IGF2BP2: variants seen among roughly 807,000 people sequenced by gnomAD.
IGF2BP2 encodes the protein insulin like growth factor 2 mRNA binding protein 2.
A neutral mutation model predicts 75.8 loss-of-function variants in IGF2BP2; 17 were observed. The ratio of observed to expected loss-of-function variants is 0.22; its 90% CI spans 0.15 to 0.34. IGF2BP2 has a LOEUF of 0.34. IGF2BP2 is among the 10% of genes least tolerant of loss of function. The pLI, the probability that IGF2BP2 is intolerant of heterozygous loss-of-function variation, is 1.00. For synonymous variants in IGF2BP2, 288 were observed against 295.6 expected (o/e 0.97, Z 0.26); for missense variants, 516 against 772.4 (o/e 0.67, Z 3.93).
At chr3:185,746,261 G>A (rs1425605168) in intron 2 of IGF2BP2, among the ~76,000 whole-genome samples, 2 of 152,100 alleles carry the variant, frequency 1.3e-5, no homozygotes, top group African/African-American at 4.8e-5. Flanking sequence ...AGTGGGCGGA[G>A]GGCAATCAAA....
chr3:185,731,274 T>A (rs1417694114), intron 2 of IGF2BP2, among the ~76,000 whole-genome samples: 1 of 140,074 alleles, frequency 7.1e-6, no homozygotes, highest in Non-Finnish European at 1.5e-5. Flanking sequence ...TGAGATGGAG[T>A]CTTGCTGTAT....
intron 10 of IGF2BP2, among the ~76,000 whole-genome samples, chr3:185,665,578 GAGAAAAGGAAGAAGA>G (rs887296867): frequency 7.6e-5 from 11 of 145,680 alleles, no homozygotes; most frequent in African/African-American, 1.3e-4. Flanking sequence ...GGAGAAGAAG[GAGAAAAGGAAGAAGA>G]AGAAAAGGAA....
At chr3:185,767,380 CCCA>C (rs1409797107) in intron 2 of IGF2BP2, among the ~76,000 whole-genome samples, 1 of 152,208 alleles carries the variant, frequency 6.6e-6, no homozygotes, top group African/African-American at 2.4e-5. Flanking sequence ...AGAACAACTT[CCCA>C]CCATCATTAC....
intron 2 of IGF2BP2, among the ~76,000 whole-genome samples, chr3:185,793,398 T>A (rs1320114315): frequency 6.6e-6 from 1 of 151,916 alleles, no homozygotes; most frequent in Non-Finnish European, 1.5e-5. Flanking sequence ...AGTAAAATGG[T>A]CTCTACTTTT....
At chr3:185,730,537 C>T (rs992012464) in intron 2 of IGF2BP2, among the ~76,000 whole-genome samples, 66 of 144,766 alleles carry the variant, frequency 4.6e-4, no homozygotes, top group South Asian at 2.3e-4. Flanking sequence ...AGGGTTCAAA[C>T]AGTTCTCATA....
chr3:185,710,497 C>T (rs925131565), intron 2 of IGF2BP2, among the ~76,000 whole-genome samples: 1 of 152,130 alleles, frequency 6.6e-6, no homozygotes, highest in Non-Finnish European at 1.5e-5. Context: ...CTTTGGGAGG[C>T]CGAGGCGGGC....
At chr3:185,721,964 A>G (rs1726614464) in intron 2 of IGF2BP2, among the ~76,000 whole-genome samples, 2 of 149,770 alleles carry the variant, frequency 1.3e-5, no homozygotes, top group South Asian at 4.2e-4. Context: ...ATCACTAACC[A>G]GCATCCTTGG....
chr3:185,779,841 CATTAAACAATAAAATGTAAA>C (rs1734982988), intron 2 of IGF2BP2, among the ~76,000 whole-genome samples: 1 of 152,134 alleles, frequency 6.6e-6, no homozygotes, highest in African/African-American at 2.4e-5. Context: ...AGTTATTTGC[CATTAAACAATAAAATGTAAA>C]GGTATATGAT....
At chr3:185,739,140 G>A (rs184804481) in intron 2 of IGF2BP2, among the ~76,000 whole-genome samples, 8 of 152,200 alleles carry the variant, frequency 5.3e-5, no homozygotes, top group Middle Eastern at 3.4e-3. Context: ...ATTTAGCAGC[G>A]TTCTGAAAAA....
chr3:185,714,820 C>T (rs1304360091), intron 2 of IGF2BP2, among the ~76,000 whole-genome samples: 1 of 152,220 alleles, frequency 6.6e-6, no homozygotes, highest in Admixed American at 6.5e-5. Flanking sequence ...CCATCCCATT[C>T]ACTCTGGGAA....
chr3:185,820,235 T>TACACACACAC lies in IGF2BP2; in HGVS notation c.239+2908_239+2917dup, dbSNP rs202064714. ...GTGTGTGTATGTGTATATATACACA[T>TACACACACAC]ACACACACACACACACACACACACA... is the stretch of plus-strand genomic sequence containing the variant. On this transcript the variant is annotated intron_variant, in intron 2 of 15. Transcript: ENST00000382199. Among the ~76,000 whole-genome samples the TACACACACAC allele has an allele frequency of 2.9e-3, 295 of 102,798 alleles. 1 individual carries two copies. The highest frequency in any genetic ancestry group is 9.1e-3 in the African/African-American group (246 of 27,172). The allele number at this position is 102,798 out of a possible 152,430, so 67.4% of individuals were successfully genotyped here.
intron 2 of IGF2BP2, among the ~76,000 whole-genome samples, chr3:185,768,755 C>A (rs144476668): frequency 6.6e-6 from 1 of 152,258 alleles, no homozygotes; most frequent in East Asian, 1.9e-4. Flanking sequence ...CTAAGCCAGG[C>A]GTGGTGGCTT....
In IGF2BP2 at chr3:185,672,491, C is replaced by T. The variant is rs1454642578; in HGVS notation, c.1200+50G>A. ...TCCACACAGCAGAGGCATGCTGCTGCCTGGAGGTGCCCAGCGCATAAGCAA... is the reference window on the plus strand; with the variant it reads ...TCCACACAGCAGAGGCATGCTGCTGTCTGGAGGTGCCCAGCGCATAAGCAA... On this transcript the variant is annotated intron_variant, in intron 10 of 15. Coordinates refer to ENST00000382199, the MANE Select transcript of IGF2BP2 (RefSeq NM_006548.6). 5.1e-6 allele frequency: 8 copies of T among 1,582,906 alleles called. No individual in the cohort carries two copies. In the African/African-American group the frequency reaches 1.1e-4, roughly 21 times the overall value.
intron 6 of IGF2BP2, 128 bp downstream of exon 6, chr3:185,689,227 A>G: frequency 1.1e-6 from 1 of 936,126 alleles, no homozygotes; most frequent in Non-Finnish European, 1.6e-6. Flanking sequence ...TGTTGAAAGA[A>G]GCCACTGTCT....
rs142004371 is a variant in IGF2BP2 at position 185,818,738 on chromosome 3, G to T, written c.239+4415C>A. ...CTACAGACAGCAAATATTTAGAAAAGCTTGAAAGTATCAAATATATAAACA... is the reference window on the plus strand; with the variant it reads ...CTACAGACAGCAAATATTTAGAAAATCTTGAAAGTATCAAATATATAAACA... On this transcript the variant is annotated intron_variant, in intron 2 of 15. Transcript: ENST00000382199. Among the ~76,000 whole-genome samples, 249 of 152,254 alleles carry T rather than the reference G, an allele frequency of 1.6e-3. 1 individual carries two copies. The highest frequency in any genetic ancestry group is 5.8e-3 in the African/African-American group (242 of 41,566).
chr3:185,675,110 T>C, intron 9 of IGF2BP2, 186 bp downstream of exon 9: 1 of 474,242 alleles, frequency 2.1e-6, no homozygotes, highest in Non-Finnish European at 3.6e-6. Context: ...TTTAATGTCT[T>C]CACGTGATGT....
intron 2 of IGF2BP2, among the ~76,000 whole-genome samples, chr3:185,753,482 CA>C (rs1407405600): frequency 6.6e-6 from 1 of 152,046 alleles, no homozygotes; most frequent in Non-Finnish European, 1.5e-5. Flanking sequence ...TATCACTTCC[CA>C]AAACAAGTCA....
At chr3:185,728,987 T>A (rs1414463172) in intron 2 of IGF2BP2, 1 of 152,268 alleles carries the variant, frequency 6.6e-6, no homozygotes, top group Admixed American at 6.5e-5. Context: ...TGAGGCTGCA[T>A]GAAGGCAGTG....
intron 2 of IGF2BP2, among the ~76,000 whole-genome samples, chr3:185,774,854 T>C (rs2149773303): frequency 6.6e-6 from 1 of 151,938 alleles, no homozygotes; most frequent in African/African-American, 2.4e-5. Context: ...ACCCCGTCTC[T>C]ACTAAAAATA....
Sources: allele counts gnomAD v4.1 joint callset (sites outside exome capture counted in the v4.1 genomes callset), GRCh38; gene constraint gnomAD v4.1.1; transcripts MANE v1.5; gene names NCBI Gene and HGNC (gene_info 2026-07-23, HGNC 2026-07-21).